The following VPS26C variants were observed in gnomAD, a reference collection of about 807,000 sequenced individuals.
VPS26C encodes VPS26 endosomal protein sorting factor C.
VPS26C carries 19 observed loss-of-function variants against 30.6 expected under a neutral mutation model. The observed-to-expected ratio is 0.62, with a 90% CI of 0.43 to 0.91. VPS26C has a LOEUF of 0.91. VPS26C is among the 40% of genes least tolerant of loss of function. The pLI is 0.00. For missense variants in VPS26C, 318 were observed against 385.1 expected (o/e 0.83, Z 1.46); for synonymous variants, 132 against 151.5 (o/e 0.87, Z 0.95).
At position 37,257,859 on chromosome 21, in the gene VPS26C, G is replaced by C. The variant is rs543651262; in HGVS notation, c.57+9379C>G. 6.6e-6 allele frequency among the ~76,000 whole-genome samples: 1 copy of C among 152,326 alleles called. No individual in the cohort carries two copies. The highest frequency in any genetic ancestry group is 1.9e-4 in the East Asian group (1 of 5,188). ...GGAAACAGTCCAGACAGAACGATGG[G>C]CTCTGCTGCCTCCGGGTGGGGCACC... is the stretch of plus-strand genomic sequence containing the variant. On this transcript the variant is annotated intron_variant, in intron 1 of 7. Coordinates refer to ENST00000309117, the MANE Select transcript of VPS26C (RefSeq NM_006052.2). The surrounding 1 kb of genome is among the most constrained non-coding windows in gnomAD (Gnocchi z 4.2).
chr21:37,258,113 T>C (rs994237838), intron 1 of VPS26C, among the ~76,000 whole-genome samples: 1 of 152,240 alleles, frequency 6.6e-6, no homozygotes, highest in Non-Finnish European at 1.5e-5. Context: ...TGCCGTGAGA[T>C]CTGCCTGCAG....
At chr21:37,231,329 G>A (rs931085056) in intron 5 of VPS26C, among the ~76,000 whole-genome samples, 1 of 152,206 alleles carries the variant, frequency 6.6e-6, no homozygotes, top group African/African-American at 2.4e-5. Context: ...AAGAAGAAAC[G>A]GTGTCTAGAA....
intron 3 of VPS26C, among the ~76,000 whole-genome samples, chr21:37,235,028 T>C (rs1035734303): frequency 2.0e-5 from 3 of 150,084 alleles, no homozygotes; most frequent in African/African-American, 7.4e-5. Flanking sequence ...TTTTTTGAGA[T>C]GGAGTTTCAC....
At chr21:37,251,399 T>C (rs1317405670) in intron 1 of VPS26C, among the ~76,000 whole-genome samples, 1 of 152,236 alleles carries the variant, frequency 6.6e-6, no homozygotes, top group East Asian at 1.9e-4. Context: ...TTCCTTCATT[T>C]ATCTTAAGAA....
intron 1 of VPS26C, among the ~76,000 whole-genome samples, chr21:37,255,786 C>T (rs1014359987): frequency 6.6e-6 from 1 of 150,608 alleles, no homozygotes; most frequent in East Asian, 1.9e-4. Flanking sequence ...TGGGTCTGTA[C>T]CTTTTTGGCT....
chr21:37,267,949 C>T (rs973525787), upstream of VPS26C: 5 of 152,644 alleles, frequency 3.3e-5, no homozygotes, highest in African/African-American at 7.2e-5. Flanking sequence ...CTCAGGGGTG[C>T]GGCCCCTGCG....
intron 1 of VPS26C, among the ~76,000 whole-genome samples, chr21:37,244,804 A>G (rs890145979): frequency 6.6e-6 from 1 of 152,198 alleles, no homozygotes; most frequent in African/African-American, 2.4e-5. Context: ...GGGGGACGTG[A>G]TGAAAAACGG....
At chr21:37,264,700 G>C (rs911455731) in intron 1 of VPS26C, among the ~76,000 whole-genome samples, 6 of 152,196 alleles carry the variant, frequency 3.9e-5, no homozygotes, top group Non-Finnish European at 8.8e-5. Context: ...TACAGTGCTG[G>C]TAGACTGTAA....
Position 37,233,526 on chromosome 21 carries a change from T to A in VPS26C, c.352-84A>T. 1 of 991,404 alleles carries A rather than the reference T, an allele frequency of 1.0e-6. No individual in the cohort carries two copies. Among genetic ancestry groups the A allele is most frequent in the South Asian group, 1.3e-5 (1 of 76,348 alleles). 61.4% of individuals were successfully genotyped at this position (991,404 alleles called of 1,614,324 possible). ...AATTATATTCAAAGAGACAAGTCAGTCAACATATTTTAGGGAAATGTTGTA... is the reference window on the plus strand; with the variant it reads ...AATTATATTCAAAGAGACAAGTCAGACAACATATTTTAGGGAAATGTTGTA... On this transcript the variant is annotated intron_variant, in intron 3 of 7. Transcript: ENST00000309117. The surrounding 1 kb of genome is among the most constrained non-coding windows in gnomAD (Gnocchi z 5.2).
chr21:37,249,205 G>C (rs1056459800), intron 1 of VPS26C, among the ~76,000 whole-genome samples: 2 of 152,164 alleles, frequency 1.3e-5, no homozygotes, highest in Non-Finnish European at 2.9e-5. Flanking sequence ...CGTTCTGCAA[G>C]TACTAGTTAA....
chr21:37,260,122 A>G (rs1044575906), intron 1 of VPS26C, among the ~76,000 whole-genome samples: 8 of 152,238 alleles, frequency 5.3e-5, no homozygotes, highest in Admixed American at 2.0e-4. Flanking sequence ...ATTTGCTATC[A>G]TCAGTCCCCC....
intron 1 of VPS26C, 35 bp from the exon 2 acceptor site, chr21:37,240,674 C>T (rs536954752): frequency 6.2e-7 from 1 of 1,604,366 alleles, no homozygotes; most frequent in Non-Finnish European, 8.5e-7. Flanking sequence ...ATCAAATTAG[C>T]ATGCTTCCTC....
chr21:37,238,227 A>G, intron 3 of VPS26C: 1 of 501,198 alleles, frequency 2.0e-6, no homozygotes, highest in East Asian at 3.6e-5. Context: ...GAAGAAACAG[A>G]GGGAAAAGAA....
rs2085992720 is a variant in VPS26C, at chr21:37,233,873, G to A, written c.352-431C>T. On this transcript the variant is annotated intron_variant, in intron 3 of 7. Coordinates refer to ENST00000309117, the MANE Select transcript of VPS26C (RefSeq NM_006052.2). This position sits in a 1 kb window ranked among gnomAD's most constrained non-coding sequence, Gnocchi z 5.2. The stretch of plus-strand genomic sequence containing the variant: ...GCTTCTGCTTCCCTTCTGTAGAATG[G>A]GGCTCTTAAGACCCACCTGCAGCGA... Among the ~76,000 whole-genome samples the A allele has an allele frequency of 6.6e-6, 1 of 152,170 alleles. No individual in the cohort carries two copies. Among genetic ancestry groups the A allele is most frequent in the South Asian group, 2.1e-4 (1 of 4,830 alleles).
At chr21:37,256,408 ATAAAG>A (rs1236681393) in intron 1 of VPS26C, among the ~76,000 whole-genome samples, 3 of 152,268 alleles carry the variant, frequency 2.0e-5, no homozygotes, top group Non-Finnish European at 4.4e-5. Context: ...TGTTTATAAA[ATAAAG>A]TATTTTAATA....
rs546142821 is a variant in VPS26C, at chr21:37,236,333, A to T, written c.351+2127T>A. ...GCTCTACTATAAAACTGTAAGAAAA[A>T]GACCTGCCAAATAATGGCATGAATG... On this transcript the variant is annotated intron_variant, in intron 3 of 7. Transcript: ENST00000309117. Among the ~76,000 whole-genome samples, 3 of 152,346 alleles carry T rather than the reference A, an allele frequency of 2.0e-5. No homozygotes were observed. The East Asian group carries it at 5.8e-4, about 29-fold the overall frequency.
intron 5 of VPS26C, chr21:37,228,629 T>G: frequency 2.7e-6 from 1 of 370,190 alleles, no homozygotes. Flanking sequence ...ACCATCCTAA[T>G]TGCCTAGTCT....
intron 1 of VPS26C, among the ~76,000 whole-genome samples, chr21:37,262,132 A>G (rs575184017): frequency 3.3e-5 from 5 of 152,330 alleles, no homozygotes; most frequent in Admixed American, 6.5e-5. Flanking sequence ...CCTAAGTCAC[A>G]TTAAAAAACT....
intron 5 of VPS26C, 129 bp downstream of exon 5, chr21:37,232,248 G>A (rs987337105): frequency 1.3e-6 from 1 of 744,284 alleles, no homozygotes. Flanking sequence ...GAGTAATTTG[G>A]GTACAATCAG....
Sources: gnomAD v4.1 joint callset for allele counts (sites outside exome capture counted in the v4.1 genomes callset) on GRCh38, gnomAD v4.1.1 for gene constraint, Gnocchi (gnomAD v3.1) non-coding constraint, MANE v1.5 for transcripts, NCBI Gene and HGNC (gene_info 2026-07-23, HGNC 2026-07-21) for gene names.